Variants in NRXN3 observed in about 807,000 individuals in gnomAD.
The protein encoded by NRXN3 is neurexin 3, also known as neurexin III.
A neutral mutation model predicts 137.6 loss-of-function variants in NRXN3; 32 were observed. The ratio of observed to expected loss-of-function variants is 0.23; its 90% CI spans 0.18 to 0.31. NRXN3 has a LOEUF of 0.31. Ranked by LOEUF, NRXN3 falls within the 10% of genes least tolerant of loss-of-function variation. The pLI is 1.00. For missense variants in NRXN3, 1,574 were observed against 2,062.5 expected (o/e 0.76, Z 4.59); for synonymous variants, 798 against 784.5 (o/e 1.02, Z -0.29).
intron 9 of NRXN3, among the ~76,000 whole-genome samples, chr14:78,807,661 G>A (rs1222159619): frequency 6.9e-6 from 1 of 144,708 alleles, no homozygotes; most frequent in East Asian, 2.0e-4. Flanking sequence ...CTTGAACACA[G>A]GAGGTGGAGG....
At chr14:79,051,376 T>C (rs2099641635) in intron 15 of NRXN3, among the ~76,000 whole-genome samples, 1 of 152,220 alleles carries the variant, frequency 6.6e-6, no homozygotes, top group Non-Finnish European at 1.5e-5. Flanking sequence ...ATCTTTCTCT[T>C]ATACATAAAG....
At chr14:79,195,898 T>C (rs993325234) in intron 15 of NRXN3, among the ~76,000 whole-genome samples, 2 of 152,238 alleles carry the variant, frequency 1.3e-5, no homozygotes, top group African/African-American at 2.4e-5. Flanking sequence ...AAATAATTCC[T>C]GAGAAAGGAA....
intron 4 of NRXN3, among the ~76,000 whole-genome samples, chr14:78,441,287 C>T (rs2094238011): frequency 1.3e-5 from 2 of 152,114 alleles, no homozygotes; most frequent in South Asian, 4.2e-4. Flanking sequence ...CTTTCTCCTC[C>T]CTATTTTCTT....
chr14:79,207,866 A>G (rs534409729), intron 15 of NRXN3, among the ~76,000 whole-genome samples: 21 of 151,998 alleles, frequency 1.4e-4, no homozygotes, highest in Non-Finnish European at 2.9e-4. Context: ...TATGGTATAT[A>G]TATTTTAAAT....
chr14:79,109,942 G>A (rs1459406222), intron 15 of NRXN3, among the ~76,000 whole-genome samples: 3 of 151,996 alleles, frequency 2.0e-5, no homozygotes, highest in African/African-American at 7.2e-5. Flanking sequence ...TAACAACCAT[G>A]CACTTGTTCC....
In NRXN3 at chr14:79,286,267, C is replaced by T. The variant is rs865887255; in HGVS notation, c.3263-180954C>T. Among the ~76,000 whole-genome samples the T allele has an allele frequency of 1.3e-4, 20 of 152,210 alleles. No homozygotes were observed. In the Middle Eastern group the frequency reaches 0.024, roughly 181 times the overall value. On this transcript the variant is annotated intron_variant, in intron 15 of 20. Coordinates refer to ENST00000335750, the MANE Select transcript of NRXN3 (RefSeq NM_001330195.2). ...CTCCTTTATGAACTACAGTTGTTTG[C>T]TCTTTGCCTTTCCTGAAACACAAAT...
intron 15 of NRXN3, among the ~76,000 whole-genome samples, chr14:79,259,543 CTA>C (rs967042014): frequency 1.0e-4 from 15 of 146,892 alleles, no homozygotes; most frequent in African/African-American, 3.7e-4. Context: ...ATATAGTTAT[CTA>C]TATATATAGC....
intron 17 of NRXN3, among the ~76,000 whole-genome samples, chr14:79,664,455 G>A (rs547770383): frequency 1.7e-4 from 26 of 152,198 alleles, no homozygotes; most frequent in African/African-American, 4.8e-4. Flanking sequence ...AATTTTATTC[G>A]TTTGGTGGAC....
intron 19 of NRXN3, among the ~76,000 whole-genome samples, chr14:79,743,078 G>A (rs1348823912): frequency 6.6e-6 from 1 of 152,128 alleles, no homozygotes; most frequent in East Asian, 1.9e-4. Flanking sequence ...CATGAATTGT[G>A]GCTATTTTTG....
At chr14:79,704,907 T>C (rs555117565) in intron 19 of NRXN3, among the ~76,000 whole-genome samples, 6 of 152,262 alleles carry the variant, frequency 3.9e-5, no homozygotes, top group Non-Finnish European at 8.8e-5. Context: ...AAGACTTAGA[T>C]GTTGGCAGTA....
intron 10 of NRXN3, among the ~76,000 whole-genome samples, chr14:78,853,132 T>C (rs2099047506): frequency 1.3e-5 from 2 of 152,190 alleles, no homozygotes; most frequent in Non-Finnish European, 2.9e-5. Context: ...GTTTGTTACA[T>C]ATGTATACAT....
intron 4 of NRXN3, among the ~76,000 whole-genome samples, chr14:78,416,032 G>A (rs892820105): frequency 2.6e-5 from 4 of 152,158 alleles, no homozygotes; most frequent in Non-Finnish European, 4.4e-5. Flanking sequence ...TTGGTGCACC[G>A]TCAATTCTAT....
chr14:78,196,886 A>G (rs2061279188), intron 1 of NRXN3, among the ~76,000 whole-genome samples: 1 of 152,204 alleles, frequency 6.6e-6, no homozygotes, highest in African/African-American at 2.4e-5. Context: ...TTGGGGGAGC[A>G]CCAACAAAGG....
chr14:78,711,734 C>T (rs1252228591), intron 7 of NRXN3, among the ~76,000 whole-genome samples: 2 of 152,062 alleles, frequency 1.3e-5, no homozygotes, highest in Non-Finnish European at 2.9e-5. Flanking sequence ...AGCCACTGTG[C>T]CAGGCCTGGC....
intron 20 of NRXN3, among the ~76,000 whole-genome samples, chr14:79,848,182 A>G (rs1349465734): frequency 6.6e-6 from 1 of 152,192 alleles, no homozygotes; most frequent in African/African-American, 2.4e-5. Flanking sequence ...TAGTTTATTT[A>G]ATCAAGAGGA....
chr14:78,843,273 C>T (rs933038976), intron 10 of NRXN3, among the ~76,000 whole-genome samples: 6 of 152,232 alleles, frequency 3.9e-5, no homozygotes, highest in African/African-American at 9.6e-5. Flanking sequence ...TCCCTCCATT[C>T]GGGGTCCCTG....
chr14:79,646,837 G>A lies in NRXN3; in HGVS notation c.3445-16941G>A, dbSNP rs2098455209. ...TCTCTATTCCCTTATTTAGTTGGTG[G>A]GATTGGATGAAGGATCTTCACATGT... On this transcript the variant is annotated intron_variant, in intron 16 of 20. Transcript: ENST00000335750. Among the ~76,000 whole-genome samples the A allele has an allele frequency of 1.5e-5, 2 of 135,784 alleles. 1 individual carries two copies. The highest frequency in any genetic ancestry group is 3.4e-5 in the Non-Finnish European group (2 of 58,330). The allele number at this position is 135,784 out of a possible 152,430, so 89.1% of individuals were successfully genotyped here.
At chr14:79,238,293 A>C (rs1448286586) in intron 15 of NRXN3, among the ~76,000 whole-genome samples, 1 of 44,206 alleles carries the variant, frequency 2.3e-5, no homozygotes. Context: ...ATAAATACTT[A>C]GATTAGTTAC....
intron 15 of NRXN3, among the ~76,000 whole-genome samples, chr14:79,161,339 C>T (rs1032968131): frequency 6.6e-6 from 1 of 151,754 alleles, no homozygotes; most frequent in Non-Finnish European, 1.5e-5. Context: ...CTTCCTAATC[C>T]CAGACTATAG....
Sources: gnomAD v4.1 joint callset for allele counts (sites outside exome capture counted in the v4.1 genomes callset) on GRCh38, gnomAD v4.1.1 for gene constraint, MANE v1.5 for transcripts, NCBI Gene and HGNC (gene_info 2026-07-23, HGNC 2026-07-21) for gene names.